The following SYNE2 variants were observed in gnomAD, a reference collection of about 807,000 sequenced individuals.
The protein encoded by SYNE2 is nesprin-2.
Under a neutral mutation model 856.3 loss-of-function variants are expected in SYNE2, and 431 were observed. The observed-to-expected ratio is 0.50, with a 90% CI of 0.47 to 0.55. The LOEUF (loss-of-function observed/expected upper bound fraction) is 0.55, where lower values mean the gene tolerates loss of function less well. Among genes scored for constraint, SYNE2 ranks in the 20% least tolerant of loss-of-function variants. The pLI is 0.00. For synonymous variants in SYNE2, 2,923 were observed against 2,872.3 expected, an observed-to-expected ratio of 1.02 and a Z score of -0.56; for missense variants, 8,129 against 8,023.2, an observed-to-expected ratio of 1.01 and a Z score of -0.50.
intron 59 of SYNE2, 64 bp downstream of exon 59, chr14:64,089,760 A>G: frequency 7.5e-7 from 1 of 1,335,260 alleles, no homozygotes; most frequent in South Asian, 1.3e-5. Context: ...TTCAAAATAT[A>G]ATATAATGTG....
At position 64,218,518 on chromosome 14, in the gene SYNE2, G is replaced by T; in HGVS notation, c.19657+6G>T. On this transcript the variant is annotated splice_donor_region_variant and intron_variant, in intron 109 of 115. Transcript: ENST00000555002. Reference sequence around the variant, plus strand: ...TATCACAGAGCAGCAGTCAGGTACTGCCTGTAACTGGCAGTCGTCCAGAGA... The same window carrying T: ...TATCACAGAGCAGCAGTCAGGTACTTCCTGTAACTGGCAGTCGTCCAGAGA... 6.2e-7 allele frequency: 1 copy of T among 1,613,302 alleles called. No homozygotes were observed. Among genetic ancestry groups the T allele is most frequent in the Non-Finnish European group, 8.5e-7 (1 of 1,179,702 alleles).
intron 1 of SYNE2, among the ~76,000 whole-genome samples, chr14:63,782,256 C>T (rs549041227): frequency 6.6e-6 from 1 of 151,992 alleles, no homozygotes; most frequent in African/African-American, 2.4e-5. Context: ...GGTGGATCAC[C>T]TGAGGTCAGG....
intron 96 of SYNE2, 71 bp from the exon 97 acceptor site, chr14:64,186,353 A>G (rs1478175366): frequency 4.4e-6 from 7 of 1,594,602 alleles, no homozygotes; most frequent in Non-Finnish European, 6.0e-6. Flanking sequence ...TCAAAGGATT[A>G]GCCTACAGGT....
At chr14:63,973,599 T>C (rs2096498263) in intron 11 of SYNE2, among the ~76,000 whole-genome samples, 2 of 123,152 alleles carry the variant, frequency 1.6e-5, no homozygotes, top group South Asian at 5.2e-4. Flanking sequence ...AGCACTACAC[T>C]CCAGCCTGGG....
intron 7 of SYNE2, among the ~76,000 whole-genome samples, chr14:63,952,116 A>T (rs1477898476): frequency 6.6e-6 from 1 of 152,222 alleles, no homozygotes; most frequent in Non-Finnish European, 1.5e-5. Flanking sequence ...GAAACAGATG[A>T]ATCAGGCCCC....
At chr14:64,138,585 G>A (rs1340694845) in intron 79 of SYNE2, among the ~76,000 whole-genome samples, 3 of 152,054 alleles carry the variant, frequency 2.0e-5, no homozygotes, top group Non-Finnish European at 4.4e-5. Context: ...ATAATATATA[G>A]GTTACCTTTA....
Position 64,053,481 on chromosome 14 carries a change from G to A in SYNE2, c.9568G>A (p.Asp3190Asn), listed in dbSNP as rs1300597461. The change falls in exon 48 of 116, where the codon GAC (aspartate) becomes AAC (asparagine). Residue 3190 changes from aspartate to asparagine, a missense_variant. Physicochemically the swap from Asp to Asn is conservative, Grantham distance 23 (BLOSUM62 1). Coordinates refer to ENST00000555002, the MANE Select transcript of SYNE2 (RefSeq NM_182914.3). ...AATTAAACATATTCAAAATGAAAAG[G>A]ACAATTGTGAAGCATTTCAGGAGCA... ...LEIKHIQNEKDNCEAFQEQVW... is the reference protein window; with the variant it reads ...LEIKHIQNEKNNCEAFQEQVW... The A allele has an allele frequency of 6.2e-7, 1 of 1,614,124 alleles. No individual in the cohort carries two copies. The highest frequency in any genetic ancestry group is 8.5e-7 in the Non-Finnish European group (1 of 1,180,024).
chr14:64,115,406 G>T (rs1290071725), intron 66 of SYNE2, among the ~76,000 whole-genome samples: 1 of 152,146 alleles, frequency 6.6e-6, no homozygotes, highest in African/African-American at 2.4e-5. Flanking sequence ...ACTCCCAGGG[G>T]AGAGGAGAAA....
rs570706287 is a variant in SYNE2, at chr14:63,967,325, A to G, written c.991-384A>G. ...CATGAACACTTTGAAAATCGCTTAT[A>G]TATGACTACTGCCGTCATATAATTT... On this transcript the variant is annotated intron_variant, in intron 10 of 115. Transcript: ENST00000555002. 2.0e-3 allele frequency among the ~76,000 whole-genome samples: 299 copies of G among 152,380 alleles called. 2 individuals are homozygous for G. The highest frequency in any genetic ancestry group is 7.0e-3 in the African/African-American group (291 of 41,596).
chr14:63,840,884 C>T (rs2139927707), intron 1 of SYNE2, among the ~76,000 whole-genome samples: 1 of 152,064 alleles, frequency 6.6e-6, no homozygotes, highest in Non-Finnish European at 1.5e-5. Flanking sequence ...TGTGGTGGTG[C>T]ATGCCTGTAA....
At chr14:64,179,892 G>T (rs934806585) in intron 96 of SYNE2, among the ~76,000 whole-genome samples, 2 of 152,138 alleles carry the variant, frequency 1.3e-5, no homozygotes, top group East Asian at 1.9e-4. Context: ...TAATGTGGAT[G>T]AATTGGTCAG....
chr14:63,886,009 C>T (rs2094975942), intron 1 of SYNE2, among the ~76,000 whole-genome samples: 1 of 152,144 alleles, frequency 6.6e-6, no homozygotes. Flanking sequence ...TTCCTCCCTC[C>T]CTCTTTTGCC....
At chr14:64,219,133 T>A in intron 109 of SYNE2, 75 bp from the exon 110 acceptor site, 201 of 845,160 alleles carry the variant, frequency 2.4e-4, no homozygotes, top group Middle Eastern at 6.2e-4. Context: ...TTAACCACCC[T>A]GACCCCTAAT....
intron 27 of SYNE2, among the ~76,000 whole-genome samples, chr14:63,999,287 A>G (rs2096736111): frequency 6.6e-6 from 1 of 152,164 alleles, no homozygotes; most frequent in South Asian, 2.1e-4. Context: ...GGTACTCCAG[A>G]TATTGTGGCT....
rs530862881 is a variant in SYNE2, at chr14:64,164,547, C to A, written c.16480-738C>A. Among the ~76,000 whole-genome samples, 8 of 152,300 alleles carry A rather than the reference C, an allele frequency of 5.3e-5. No homozygotes were observed. In the South Asian group the frequency reaches 1.7e-3, roughly 32 times the overall value. ...TACAAGCATGAGCCACTGCTCTCAG[C>A]CTTCATTCACTTTTTATAAAGCCTT... On this transcript the variant is annotated intron_variant, in intron 89 of 115. Coordinates refer to ENST00000555002, the MANE Select transcript of SYNE2 (RefSeq NM_182914.3).
At chr14:64,217,436 A>G (rs1340809684) in intron 108 of SYNE2, among the ~76,000 whole-genome samples, 1 of 152,242 alleles carries the variant, frequency 6.6e-6, no homozygotes. Flanking sequence ...GAAATTAAGG[A>G]GAGAATATTG....
At position 64,225,761 on chromosome 14, in the gene SYNE2, G is replaced by A; in HGVS notation, c.*235G>A. 3.3e-6 allele frequency: 2 copies of A among 603,494 alleles called. No individual in the cohort carries two copies. Among genetic ancestry groups the A allele is most frequent in the South Asian group, 3.9e-5 (2 of 51,148 alleles). 37.4% of individuals were successfully genotyped at this position (603,494 alleles called of 1,614,324 possible). A position where few individuals can be genotyped will look rare whatever the true frequency, so the allele number is the denominator to read the frequency against. Reference sequence around the variant, plus strand: ...TGCCCCGGGTATTTTGGCAGAACTAGTTGATTAGTTTAGGGATCTCTGGAA... The same window carrying A: ...TGCCCCGGGTATTTTGGCAGAACTAATTGATTAGTTTAGGGATCTCTGGAA... On this transcript the variant is annotated 3_prime_UTR_variant, in exon 116 of 116. Coordinates refer to ENST00000555002, the MANE Select transcript of SYNE2 (RefSeq NM_182914.3).
In SYNE2 at chr14:63,895,109, CT is replaced by C. The variant is rs112926329; in HGVS notation, c.-51-13975del. Among the ~76,000 whole-genome samples, 967 of 142,158 alleles carry C rather than the reference CT, an allele frequency of 6.8e-3. 3 individuals carry two copies. The highest frequency in any genetic ancestry group is 0.019 in the African/African-American group (756 of 38,832). The allele number at this position is 142,158 out of a possible 152,430, so 93.3% of individuals were successfully genotyped here. A position where few individuals can be genotyped will look rare whatever the true frequency, so the allele number is the denominator to read the frequency against. ...AGCACATAAATTTCCATTTTCTTTT[CT>C]TTTTTTTTTTTTTGAGATGAAGTCT... On this transcript the variant is annotated intron_variant, in intron 1 of 115. Coordinates refer to ENST00000555002, the MANE Select transcript of SYNE2 (RefSeq NM_182914.3).
At chr14:63,867,996 GC>G (rs1863948103) in intron 1 of SYNE2, among the ~76,000 whole-genome samples, 1 of 152,120 alleles carries the variant, frequency 6.6e-6, no homozygotes, top group South Asian at 2.1e-4. Flanking sequence ...GCTGCAGTAA[GC>G]TATAATCATG....
Sources: allele counts gnomAD v4.1 joint callset (sites outside exome capture counted in the v4.1 genomes callset), GRCh38; gene constraint gnomAD v4.1.1; transcripts MANE v1.5; gene names NCBI Gene and HGNC (gene_info 2026-07-23, HGNC 2026-07-21).